The following EIF4G3 variants were observed in gnomAD, a reference collection of about 807,000 sequenced individuals.
The protein encoded by EIF4G3 is eIF-4-gamma 3.
Under a neutral mutation model 186.4 loss-of-function variants are expected in EIF4G3, and 34 were observed. The ratio of observed to expected loss-of-function variants is 0.18; its 90% CI spans 0.14 to 0.24. EIF4G3 has a LOEUF of 0.24. Ranked by LOEUF, EIF4G3 falls within the 10% of genes least tolerant of loss-of-function variation. The probability of loss-of-function intolerance (pLI) is 1.00; values close to 1 mark genes in which losing one functional copy is unlikely to be tolerated. For missense variants in EIF4G3, 1,536 were observed against 1,948.5 expected, an observed-to-expected ratio of 0.79 and a Z score of 3.99; for synonymous variants, 673 against 679.5, an observed-to-expected ratio of 0.99 and a Z score of 0.15.
At chr1:20,926,958 T>C (rs1041338861) in intron 14 of EIF4G3, among the ~76,000 whole-genome samples, 3 of 152,144 alleles carry the variant, frequency 2.0e-5, no homozygotes, top group African/African-American at 4.8e-5. Flanking sequence ...GTATTTTAAA[T>C]TGACATAATT....
At chr1:21,006,492 A>G (rs1018747806) in intron 4 of EIF4G3, among the ~76,000 whole-genome samples, 3 of 152,250 alleles carry the variant, frequency 2.0e-5, no homozygotes, top group Non-Finnish European at 4.4e-5. Flanking sequence ...GTCCAAGTTG[A>G]TGAGTTACAG....
At chr1:21,154,865 T>C (rs999241955) in intron 2 of EIF4G3, among the ~76,000 whole-genome samples, 16 of 152,218 alleles carry the variant, frequency 1.1e-4, no homozygotes, top group African/African-American at 3.4e-4. Flanking sequence ...TATTTGAGTA[T>C]TGAAACAATA....
chr1:20,864,298 G>A (rs1188100367), intron 22 of EIF4G3, among the ~76,000 whole-genome samples, 178 bp downstream of exon 22: 1 of 152,116 alleles, frequency 6.6e-6, no homozygotes, highest in African/African-American at 2.4e-5. Context: ...CCTCATCTCT[G>A]ACTCTGATGG....
rs188504490 is a variant in EIF4G3, at chr1:21,122,433, T to C, written c.-271-33220A>G. Among the ~76,000 whole-genome samples, 7 of 152,342 alleles carry C rather than the reference T, an allele frequency of 4.6e-5. No individual in the cohort carries two copies. In the East Asian group the frequency reaches 1.3e-3, roughly 29 times the overall value. On this transcript the variant is annotated intron_variant, in intron 2 of 36. Transcript: ENST00000602326. ...AAATGACTAATTCAAACCATGTAAC[T>C]TATTTTTCTGTTGATTTTTATAAAT...
At chr1:20,875,633 G>A (rs1179571744) in intron 20 of EIF4G3, among the ~76,000 whole-genome samples, 3 of 152,166 alleles carry the variant, frequency 2.0e-5, no homozygotes, top group Admixed American at 6.5e-5. Context: ...AGAAATAAAA[G>A]TCAGGTGCAA....
At chr1:21,102,276 C>G (rs1243796468) in intron 2 of EIF4G3, among the ~76,000 whole-genome samples, 1 of 152,140 alleles carries the variant, frequency 6.6e-6, no homozygotes, top group Non-Finnish European at 1.5e-5. Context: ...CATGGTGAAA[C>G]CCCGTCTCCA....
chr1:21,165,272 A>G (rs1371428139), intron 2 of EIF4G3, among the ~76,000 whole-genome samples: 1 of 152,248 alleles, frequency 6.6e-6, no homozygotes, highest in Non-Finnish European at 1.5e-5. Context: ...ACATTTTGGC[A>G]GCTCCTCCAA....
chr1:21,114,747 T>C (rs2096787847), intron 2 of EIF4G3, among the ~76,000 whole-genome samples: 1 of 152,230 alleles, frequency 6.6e-6, no homozygotes, highest in Non-Finnish European at 1.5e-5. Context: ...TCATCAAAGA[T>C]ATTAAGTGAA....
intron 7 of EIF4G3, 85 bp from the exon 8 acceptor site, chr1:20,982,493 T>G: frequency 1.0e-6 from 1 of 957,568 alleles, no homozygotes; most frequent in East Asian, 3.0e-5. Context: ...GGACAGGAAA[T>G]AGCATGCAGC....
chr1:21,017,497 G>A (rs188685592), intron 4 of EIF4G3, among the ~76,000 whole-genome samples: 81 of 151,934 alleles, frequency 5.3e-4, no homozygotes, highest in Admixed American at 3.4e-3. Flanking sequence ...GCGTGGTGGC[G>A]GGCACCTGTA....
intron 2 of EIF4G3, among the ~76,000 whole-genome samples, chr1:21,092,244 G>A (rs1188311581): frequency 6.6e-6 from 1 of 152,178 alleles, no homozygotes; most frequent in Non-Finnish European, 1.5e-5. Context: ...CATCTATTGA[G>A]ATAATCATGT....
intron 20 of EIF4G3, among the ~76,000 whole-genome samples, chr1:20,873,701 T>A (rs940059413): frequency 6.8e-6 from 1 of 146,924 alleles, no homozygotes; most frequent in African/African-American, 2.5e-5. Flanking sequence ...TGAATAACAT[T>A]GAATGTCTTT....
chr1:21,167,579 G>A (rs2097878848), intron 2 of EIF4G3, among the ~76,000 whole-genome samples: 1 of 152,188 alleles, frequency 6.6e-6, no homozygotes, highest in Non-Finnish European at 1.5e-5. Context: ...CCAATATGGT[G>A]AAACCCTGCC....
At chr1:20,976,779 T>C (rs2076940996) in intron 10 of EIF4G3, among the ~76,000 whole-genome samples, 1 of 152,174 alleles carries the variant, frequency 6.6e-6, no homozygotes, top group Non-Finnish European at 1.5e-5. Flanking sequence ...GGCTCATGCC[T>C]GTAATCCTAG....
intron 14 of EIF4G3, among the ~76,000 whole-genome samples, chr1:20,930,864 A>ATT (rs138450337): frequency 6.7e-6 from 1 of 150,088 alleles, no homozygotes; most frequent in East Asian, 1.9e-4. Context: ...ATGAATTACA[A>ATT]TTTTTTTTTT....
At chr1:21,120,394 G>A (rs1452830969) in intron 2 of EIF4G3, among the ~76,000 whole-genome samples, 1 of 151,880 alleles carries the variant, frequency 6.6e-6, no homozygotes, top group Admixed American at 6.6e-5. Context: ...AGGCGCAGTG[G>A]CTCACATCTG....
chr1:21,147,836 C>T (rs1359213950), intron 2 of EIF4G3, among the ~76,000 whole-genome samples: 1 of 152,054 alleles, frequency 6.6e-6, no homozygotes, highest in Non-Finnish European at 1.5e-5. Flanking sequence ...ATATTTAATG[C>T]TGATAAAAGT....
intron 2 of EIF4G3, among the ~76,000 whole-genome samples, chr1:21,117,283 A>T (rs1454938707): frequency 6.6e-6 from 1 of 152,122 alleles, no homozygotes; most frequent in Non-Finnish European, 1.5e-5. Flanking sequence ...CACTGGTAAA[A>T]GATTCTTGTA....
chr1:20,829,308 T>A, intron 30 of EIF4G3, 36 bp from the exon 31 acceptor site: 1 of 1,602,870 alleles, frequency 6.2e-7, no homozygotes, highest in Middle Eastern at 1.7e-4. Context: ...CACATGCAAA[T>A]GTAATTCAAA....
Sources: gnomAD v4.1 joint callset for allele counts (sites outside exome capture counted in the v4.1 genomes callset) on GRCh38, gnomAD v4.1.1 for gene constraint, MANE v1.5 for transcripts, NCBI Gene and HGNC (gene_info 2026-07-23, HGNC 2026-07-21) for gene names.